The following TENM2 variants were observed in gnomAD, a reference collection of about 807,000 sequenced individuals.
TENM2 encodes teneurin transmembrane protein 2.
In TENM2, 52 loss-of-function variants were observed where a neutral mutation model predicts 245.2. The observed-to-expected ratio is 0.21, with a 90% CI of 0.17 to 0.27. The LOEUF (loss-of-function observed/expected upper bound fraction) is 0.27, where lower values mean the gene tolerates loss of function less well. TENM2 is among the 10% of genes least tolerant of loss of function. The pLI, the probability that TENM2 is intolerant of heterozygous loss-of-function variation, is 1.00. For missense variants in TENM2, 3,046 were observed against 3,666.8 expected (o/e 0.83, Z 4.37); for synonymous variants, 1,363 against 1,438.9 (o/e 0.95, Z 1.19).
intron 1 of TENM2, among the ~76,000 whole-genome samples, chr5:167,288,644 T>C (rs1754453471): frequency 6.6e-6 from 1 of 152,202 alleles, no homozygotes; most frequent in African/African-American, 2.4e-5. Context: ...AGCATTTTGC[T>C]TGCATTAACT....
the TENM2 span, among the ~76,000 whole-genome samples, chr5:167,191,638 G>A: frequency 6.6e-6 from 1 of 151,990 alleles, no homozygotes; most frequent in Non-Finnish European, 1.5e-5. Context: ...TGTAGGTAAG[G>A]TCTATACAGA....
intron 3 of TENM2, among the ~76,000 whole-genome samples, chr5:167,889,977 G>A (rs1222116910): frequency 6.6e-6 from 1 of 151,652 alleles, no homozygotes; most frequent in Non-Finnish European, 1.5e-5. Context: ...GGGTTCAGAA[G>A]ATAAAAAGAA....
chr5:167,344,481 T>C (rs1178762267), intron 1 of TENM2, among the ~76,000 whole-genome samples: 1 of 151,398 alleles, frequency 6.6e-6, no homozygotes, highest in East Asian at 1.9e-4. Flanking sequence ...TGGAACCAAA[T>C]GTACTAAGGA....
At chr5:167,987,312 C>G (rs1783317902) in intron 4 of TENM2, among the ~76,000 whole-genome samples, 1 of 151,284 alleles carries the variant, frequency 6.6e-6, no homozygotes, top group African/African-American at 2.4e-5. Context: ...CTAGAATCAG[C>G]TAGGGAGCTT....
At chr5:167,511,916 T>C (rs1461870983) in intron 2 of TENM2, among the ~76,000 whole-genome samples, 3 of 152,192 alleles carry the variant, frequency 2.0e-5, no homozygotes, top group Admixed American at 6.5e-5. Context: ...TAGAATTTCT[T>C]AGTTTAAGCT....
At chr5:167,916,210 G>A (rs1211790099) in intron 3 of TENM2, among the ~76,000 whole-genome samples, 2 of 152,148 alleles carry the variant, frequency 1.3e-5, no homozygotes, top group African/African-American at 4.8e-5. Context: ...TGAGTACGTG[G>A]CTTGCTTTAT....
the TENM2 span, among the ~76,000 whole-genome samples, chr5:167,197,109 G>A: frequency 6.6e-6 from 1 of 151,990 alleles, no homozygotes. Flanking sequence ...ATTTTATACT[G>A]TTCTACTAGA....
chr5:167,432,378 T>C (rs1764303384), intron 2 of TENM2, among the ~76,000 whole-genome samples: 1 of 151,792 alleles, frequency 6.6e-6, no homozygotes. Flanking sequence ...AAAAACCGGT[T>C]AAGGTAACCC....
At chr5:168,092,261 A>C (rs1353264336) in intron 8 of TENM2, among the ~76,000 whole-genome samples, 1 of 152,214 alleles carries the variant, frequency 6.6e-6, no homozygotes, top group Admixed American at 6.5e-5. Flanking sequence ...TCCTTCTGCT[A>C]AGCAAAGACT....
Position 167,783,258 on chromosome 5 carries a change from G to A in TENM2, c.503-92728G>A, listed in dbSNP as rs549465016. Among the ~76,000 whole-genome samples the A allele has an allele frequency of 2.3e-4, 34 of 150,418 alleles. 1 individual carries two copies. Among genetic ancestry groups the A allele is most frequent in the Admixed American group, 4.7e-4 (7 of 15,052 alleles). ...AGGGTTGTGTTCAGCAGCACACACCGGGTTCAGCCCACCTAGCAAGTCCAA... is the reference window on the plus strand; with the variant it reads ...AGGGTTGTGTTCAGCAGCACACACCAGGTTCAGCCCACCTAGCAAGTCCAA... On this transcript the variant is annotated intron_variant, in intron 2 of 28. Transcript: ENST00000518659.
At chr5:167,976,981 T>C (rs1394091178) in intron 4 of TENM2, among the ~76,000 whole-genome samples, 1 of 152,192 alleles carries the variant, frequency 6.6e-6, no homozygotes, top group Non-Finnish European at 1.5e-5. Flanking sequence ...TGGAATACTA[T>C]GCAGCCATAA....
Position 168,029,734 on chromosome 5 carries a change from A to G in TENM2, c.1187-17693A>G, listed in dbSNP as rs914765939. 9.9e-5 allele frequency among the ~76,000 whole-genome samples: 15 copies of G among 152,274 alleles called. 1 individual carries two copies. The highest frequency in any genetic ancestry group is 3.1e-4 in the African/African-American group (13 of 41,570). ...CTGTCTGAAAATATCTGTCATCCTT[A>G]ACTGGCACCGTGCCTAAAATTTCCA... On this transcript the variant is annotated intron_variant, in intron 5 of 28. Transcript: ENST00000518659.
At chr5:167,511,047 C>T (rs975531333) in intron 2 of TENM2, among the ~76,000 whole-genome samples, 20 of 152,250 alleles carry the variant, frequency 1.3e-4, no homozygotes, top group Middle Eastern at 6.8e-3. Flanking sequence ...CTTTCTTCTT[C>T]TACATTTTAT....
the TENM2 span, among the ~76,000 whole-genome samples, chr5:167,246,145 T>C: frequency 1.3e-5 from 2 of 152,224 alleles, no homozygotes; most frequent in Non-Finnish European, 2.9e-5. Context: ...TCATCCTTTC[T>C]ACGGCAAGAG....
At chr5:167,915,192 C>G (rs1776843240) in intron 3 of TENM2, among the ~76,000 whole-genome samples, 1 of 151,976 alleles carries the variant, frequency 6.6e-6, no homozygotes, top group South Asian at 2.1e-4. Flanking sequence ...TTTTCCCCAA[C>G]CTTGAGATGC....
At chr5:167,934,908 T>C (rs1490824573) in intron 3 of TENM2, 31 of 985,416 alleles carry the variant, frequency 3.1e-5, no homozygotes, top group Non-Finnish European at 3.6e-5. Flanking sequence ...TGCACTGCCC[T>C]TGAGTCGTCC....
chr5:168,096,482 A>AT (rs1793381580), intron 8 of TENM2, among the ~76,000 whole-genome samples: 1 of 152,204 alleles, frequency 6.6e-6, no homozygotes, highest in South Asian at 2.1e-4. Context: ...CTTTTGTCTG[A>AT]TTTTGAAAAA....
intron 5 of TENM2, among the ~76,000 whole-genome samples, chr5:168,010,546 C>A (rs1227154011): frequency 6.6e-6 from 1 of 152,214 alleles, no homozygotes; most frequent in African/African-American, 2.4e-5. Context: ...ACAACAGCAT[C>A]TTTTAGAACA....
At chr5:167,610,814 T>C (rs1183268078) in intron 2 of TENM2, among the ~76,000 whole-genome samples, 1 of 152,198 alleles carries the variant, frequency 6.6e-6, no homozygotes, top group Non-Finnish European at 1.5e-5. Context: ...GGGGAAAATA[T>C]ATGATCTGTG....
Sources: allele counts gnomAD v4.1 joint callset (sites outside exome capture counted in the v4.1 genomes callset), GRCh38; gene constraint gnomAD v4.1.1; transcripts MANE v1.5; gene names NCBI Gene and HGNC (gene_info 2026-07-23, HGNC 2026-07-21).